Variants in YIF1B observed in about 807,000 individuals in gnomAD.
YIF1B encodes the protein protein YIF1B.
A neutral mutation model predicts 34.6 loss-of-function variants in YIF1B; 24 were observed. The ratio of observed to expected loss-of-function variants is 0.69; its 90% confidence interval spans 0.50 to 0.98. YIF1B has a LOEUF of 0.98. Among genes scored for constraint, YIF1B ranks in the 50% least tolerant of loss-of-function variants. The pLI, the probability that YIF1B is intolerant of heterozygous loss-of-function variation, is 0.00. For synonymous variants in YIF1B, 186 were observed against 184.8 expected, an observed-to-expected ratio of 1.01 and a Z score of -0.05; for missense variants, 368 against 429.4, an observed-to-expected ratio of 0.86 and a Z score of 1.26.
rs140907227 is a variant in YIF1B at position 38,307,730 on chromosome 19, G to A, written c.562C>T (p.Leu188=). 2.3e-4 allele frequency: 363 copies of A among 1,613,064 alleles called. 3 individuals carry two copies. In the East Asian group the frequency reaches 7.6e-3, roughly 34 times the overall value. ...CAGGCCAGGGCTGAGCTCGCTTGCA[G>A]CCCCAGGAGGTCTGGGGAGAACCTG... ...QDRFSPDLLG[L]QASSALAWLT... is the part of the protein sequence containing the mutation. The change falls in exon 6 of 8, where the codon CTG becomes TTG. Residue 188 remains leucine (L), a synonymous_variant. Coordinates refer to ENST00000339413, the MANE Select transcript of YIF1B (RefSeq NM_001039672.3).
chr19:38,310,127 CCCATCTAT>C (rs1014771600), intron 1 of YIF1B, among the ~76,000 whole-genome samples: 6 of 148,462 alleles, frequency 4.0e-5, no homozygotes, highest in Admixed American at 6.7e-5. Context: ...CATCCACCCA[CCCATCTAT>C]CCATCTATCC....
chr19:38,305,173 T>A lies in YIF1B; in HGVS notation c.*179A>T. On this transcript the variant is annotated 3_prime_UTR_variant, in exon 8 of 8. Coordinates refer to ENST00000339413, the MANE Select transcript of YIF1B (RefSeq NM_001039672.3). ...GCGGCCACGCCCTGGGGCGGTGGCCTGTGCAGCTGGAGATCTCTCAGCACC... is the reference window on the plus strand; with the variant it reads ...GCGGCCACGCCCTGGGGCGGTGGCCAGTGCAGCTGGAGATCTCTCAGCACC... The A allele has an allele frequency of 7.3e-7, 1 of 1,374,422 alleles. No homozygotes were observed. Among genetic ancestry groups the A allele is most frequent in the Non-Finnish European group, 9.7e-7 (1 of 1,033,876 alleles). The allele number at this position is 1,374,422 out of a possible 1,614,324, so 85.1% of individuals were successfully genotyped here.
rs1379098317 is a variant in YIF1B, at chr19:38,304,220, C to G, written c.*1132G>C. On this transcript the variant is annotated 3_prime_UTR_variant, in exon 8 of 8. Transcript: ENST00000339413. The stretch of plus-strand genomic sequence containing the variant: ...CCCCCTGCTCCGCTCCTCTGCAGGG[C>G]CCAGGCGCCCTTGGCCTTAGGACCC... 1 of 1,612,522 alleles carries G rather than the reference C, an allele frequency of 6.2e-7. No individual in the cohort carries two copies. Among genetic ancestry groups the G allele is most frequent in the Admixed American group, 1.7e-5 (1 of 59,974 alleles).
rs146725585 is a variant in YIF1B, at chr19:38,304,953, G to A, written c.*399C>T. The A allele has an allele frequency of 6.2e-7, 1 of 1,607,452 alleles. No homozygotes were observed. The highest frequency in any genetic ancestry group is 8.5e-7 in the Non-Finnish European group (1 of 1,177,370). ...GAAGGAGAAGGGCAAGAAGAAGGAG[G>A]CTCCCCACTGAAGGGCCCTGGACAG... On this transcript the variant is annotated 3_prime_UTR_variant, in exon 8 of 8. Transcript: ENST00000339413.
rs1968969803 is a variant in YIF1B, at chr19:38,305,459, C to A, written c.838G>T (p.Val280Phe). The change falls in exon 8 of 8, where the codon GTC (valine) becomes TTC (phenylalanine). Residue 280 changes from valine to phenylalanine, a missense_variant. Val to Phe is a conservative substitution (Grantham distance 50). This residue lies in a region of YIF1B where 208 missense variants were observed against 247.8 expected (regional missense o/e 0.84). Transcript: ENST00000339413. ...KILADAAAEG[V>F]PVRGARNQLR... is the part of the protein sequence containing the mutation. ...TGGTTCCGGGCCCCACGCACCGGGACCCCCTCAGCTGCTGCGTCTGCCAAG... is the reference window on the plus strand; with the variant it reads ...TGGTTCCGGGCCCCACGCACCGGGAACCCCTCAGCTGCTGCGTCTGCCAAG... 6.2e-7 allele frequency: 1 copy of A among 1,609,080 alleles called. No individual in the cohort carries two copies. The highest frequency in any genetic ancestry group is 1.3e-5 in the African/African-American group (1 of 74,876).
Position 38,304,756 on chromosome 19 carries a change from T to A in YIF1B, c.*596A>T. On this transcript the variant is annotated 3_prime_UTR_variant, in exon 8 of 8. Coordinates refer to ENST00000339413, the MANE Select transcript of YIF1B (RefSeq NM_001039672.3). ...CAGAGAGGCGTCCCCGCACTGGGGCTGGCGGGGAGGGTGCGGGGAGTGGTC... is the reference window on the plus strand; with the variant it reads ...CAGAGAGGCGTCCCCGCACTGGGGCAGGCGGGGAGGGTGCGGGGAGTGGTC... The A allele has an allele frequency of 1.2e-6, 2 of 1,610,550 alleles. No homozygotes were observed. The highest frequency in any genetic ancestry group is 1.7e-6 in the Non-Finnish European group (2 of 1,177,448).
At chr19:38,310,840 C>A (rs1041322330) in intron 1 of YIF1B, among the ~76,000 whole-genome samples, 1 of 152,122 alleles carries the variant, frequency 6.6e-6, no homozygotes, top group Non-Finnish European at 1.5e-5. Context: ...TTCAGTGAGG[C>A]CTTCCCCAGC....
At chr19:38,321,200 A>G (rs1476271350), upstream of YIF1B, among the ~76,000 whole-genome samples, 1 of 151,830 alleles carries the variant, frequency 6.6e-6, no homozygotes, top group Non-Finnish European at 1.5e-5. Context: ...CTCCCTCCCA[A>G]CAGAGATTCC....
chr19:38,311,748 G>A (rs550898611), intron 1 of YIF1B, among the ~76,000 whole-genome samples: 1 of 152,194 alleles, frequency 6.6e-6, no homozygotes, highest in Non-Finnish European at 1.5e-5. Flanking sequence ...TTCTGGATCA[G>A]TTTCAGAGCT....
chr19:38,321,022 AC>A (rs1205806544), upstream of YIF1B, among the ~76,000 whole-genome samples: 3 of 151,882 alleles, frequency 2.0e-5, no homozygotes, highest in Non-Finnish European at 4.4e-5. Context: ...AGGACCCCTG[AC>A]TTTATCTCTA....
chr19:38,318,484 A>C (rs1417247469), upstream of YIF1B, among the ~76,000 whole-genome samples: 1 of 152,048 alleles, frequency 6.6e-6, no homozygotes, highest in Non-Finnish European at 1.5e-5. Context: ...GGGTTTTGCC[A>C]TGTTGCCCGA....
chr19:38,315,767 A>C (rs1319305304), intron 1 of YIF1B, 93 bp downstream of exon 1: 1 of 1,601,712 alleles, frequency 6.2e-7, no homozygotes, highest in East Asian at 2.3e-5. Context: ...CAGATCCTTG[A>C]TCTCGTGACC....
chr19:38,307,471 T>C lies in YIF1B; in HGVS notation c.746A>G (p.Tyr249Cys), dbSNP rs1241549857. The change falls in exon 7 of 8, where the codon TAC (tyrosine) becomes TGC (cysteine). Residue 249 changes from tyrosine (Y) to cysteine (C), a missense_variant. Physicochemically the swap from Tyr to Cys is radical, Grantham distance 194. Coordinates refer to ENST00000339413, the MANE Select transcript of YIF1B (RefSeq NM_001039672.3). ...MGLLFGKIGYYLVLGWCCVAI... is the reference protein window; with the variant it reads ...MGLLFGKIGYCLVLGWCCVAI... ...TACGCAGCACCAGCCCAGCACCAGG[T>C]AGTAGCCAATCTTCCCGAAGAGCAG... 3 of 1,613,536 alleles carry C rather than the reference T, an allele frequency of 1.9e-6. No individual in the cohort carries two copies. The highest frequency in any genetic ancestry group is 2.2e-5 in the East Asian group (1 of 44,848).
chr19:38,312,057 C>A (rs1000094952), intron 1 of YIF1B, among the ~76,000 whole-genome samples: 7 of 151,816 alleles, frequency 4.6e-5, no homozygotes, highest in Non-Finnish European at 1.0e-4. Flanking sequence ...GAGCCAAGAT[C>A]GCGCCACTGC....
chr19:38,314,444 C>A (rs966449398), intron 1 of YIF1B, among the ~76,000 whole-genome samples: 1 of 151,858 alleles, frequency 6.6e-6, no homozygotes, highest in Non-Finnish European at 1.5e-5. Flanking sequence ...CCTCCCACCT[C>A]GGCCTCCCAA....
chr19:38,307,017 G>T (rs774783603), intron 7 of YIF1B: 1 of 478,420 alleles, frequency 2.1e-6, no homozygotes, highest in Non-Finnish European at 4.3e-6. Flanking sequence ...GAAGTGATTT[G>T]CCCAGGATCC....
chr19:38,310,088 C>A (rs1247361417), intron 1 of YIF1B, among the ~76,000 whole-genome samples: 1 of 151,224 alleles, frequency 6.6e-6, no homozygotes, highest in Admixed American at 6.6e-5. Context: ...ATCCATCCAC[C>A]CTCCCACCCA....
intron 1 of YIF1B, chr19:38,315,310 G>A: frequency 3.1e-6 from 3 of 963,972 alleles, no homozygotes; most frequent in Non-Finnish European, 3.8e-6. Context: ...CCCCTAGGCT[G>A]GGTCATGTGC....
At position 38,309,107 on chromosome 19, in the gene YIF1B, C is replaced by T. The variant is rs753181224; in HGVS notation, c.403-50G>A. The T allele has an allele frequency of 9.6e-6, 15 of 1,557,952 alleles. No homozygotes were observed. The African/African-American group carries it at 2.0e-4, about 21-fold the overall frequency. On this transcript the variant is annotated intron_variant, in intron 3 of 7. Transcript: ENST00000339413. ...GACCCTCAGAGCCAGGCCCCTCCCA[C>T]CCTGCTACAGGCCCTCCTCCCTCGA...
Sources: allele counts gnomAD v4.1 joint callset (sites outside exome capture counted in the v4.1 genomes callset), GRCh38; gene constraint gnomAD v4.1.1; regional missense constraint gnomAD v4.1.1; transcripts MANE v1.5; gene names NCBI Gene and HGNC (gene_info 2026-07-23, HGNC 2026-07-21).